The following GLIS1 variants were observed in gnomAD, a reference collection of about 807,000 sequenced individuals.
The protein encoded by GLIS1 is GLIS family zinc finger 1, also known as zinc finger protein GLIS1.
GLIS1 carries 24 observed loss-of-function variants against 63.8 expected under a neutral mutation model. The ratio of observed to expected loss-of-function variants is 0.38; its 90% CI spans 0.27 to 0.53. The LOEUF is 0.53. Among genes scored for constraint, GLIS1 ranks in the 20% least tolerant of loss-of-function variants. The probability of loss-of-function intolerance (pLI) is 0.85; values close to 1 mark genes in which losing one functional copy is unlikely to be tolerated. For missense variants in GLIS1, 1,036 were observed against 1,074.1 expected, an observed-to-expected ratio of 0.96 and a Z score of 0.50; for synonymous variants, 450 against 482.5, an observed-to-expected ratio of 0.93 and a Z score of 0.88.
intron 5 of GLIS1, among the ~76,000 whole-genome samples, chr1:53,528,968 G>A (rs1644500005): frequency 6.6e-6 from 1 of 152,158 alleles, no homozygotes; most frequent in South Asian, 2.1e-4. Context: ...GTAAGGCCCT[G>A]GTCTGAGTCA....
intron 2 of GLIS1, among the ~76,000 whole-genome samples, chr1:53,735,694 G>A (rs777868094): frequency 2.0e-5 from 3 of 152,134 alleles, no homozygotes; most frequent in Non-Finnish European, 4.4e-5. Flanking sequence ...ATTTCTGTCT[G>A]TTTCCAATAA....
In GLIS1 at chr1:53,620,258, A is replaced by G. The variant is rs568337915; in HGVS notation, c.260-19980T>C. On this transcript the variant is annotated intron_variant, in intron 2 of 10. Transcript: ENST00000628545. Reference sequence around the variant, plus strand: ...CATTAGTCCTCACTGGTTAGGGCTGACCTGTACTTCTGACGCCAGCTCAGT... The same window carrying G: ...CATTAGTCCTCACTGGTTAGGGCTGGCCTGTACTTCTGACGCCAGCTCAGT... 8.5e-5 allele frequency among the ~76,000 whole-genome samples: 13 copies of G among 152,294 alleles called. No individual in the cohort carries two copies. In the South Asian group the frequency reaches 2.7e-3, roughly 32 times the overall value.
intron 7 of GLIS1, among the ~76,000 whole-genome samples, chr1:53,517,914 C>T (rs1644368571): frequency 6.6e-6 from 1 of 152,226 alleles, no homozygotes; most frequent in Admixed American, 6.5e-5. Flanking sequence ...CAGCGAACAG[C>T]AGATGGGAAT....
intron 2 of GLIS1, chr1:53,734,341 A>G (rs950363746): frequency 8.8e-5 from 26 of 294,870 alleles, no homozygotes; most frequent in East Asian, 5.2e-4. Flanking sequence ...CTAGTTACCA[A>G]TTCCCAAAGA....
In GLIS1 at chr1:53,529,827, G is replaced by A. The variant is rs1454618108; in HGVS notation, c.1446C>T (p.Ser482=). Residue 482 remains serine (S), a synonymous_variant, in exon 5 of 11, where the codon AGC becomes AGT. Coordinates refer to ENST00000628545, the MANE Select transcript of GLIS1 (RefSeq NM_001367484.1). The part of the protein sequence containing the change: ...PGCQKAFSNS[S]DRAKHQRTHL... ...GGGTGCGCTGGTGCTTGGCGCGGTC[G>A]CTGGAGTTGCTGAAGGCCTTCTGGC... 7 of 1,613,326 alleles carry A rather than the reference G, an allele frequency of 4.3e-6. No individual in the cohort carries two copies. Among genetic ancestry groups the A allele is most frequent in the Admixed American group, 3.3e-5 (2 of 59,994 alleles).
intron 3 of GLIS1, among the ~76,000 whole-genome samples, chr1:53,597,405 A>G (rs973568845): frequency 6.7e-6 from 1 of 149,834 alleles, no homozygotes; most frequent in Non-Finnish European, 1.5e-5. Flanking sequence ...CCTGGGGTGT[A>G]GTGCACAGTA....
At chr1:53,595,109 A>G in intron 3 of GLIS1, 119 bp from the exon 4 acceptor site, 1 of 843,368 alleles carries the variant, frequency 1.2e-6, no homozygotes, top group Non-Finnish European at 1.7e-6. Context: ...GGCAGGAGGC[A>G]GAGGCTGAGG....
intron 3 of GLIS1, among the ~76,000 whole-genome samples, chr1:53,597,293 A>G (rs1206311957): frequency 3.4e-5 from 5 of 148,712 alleles, no homozygotes; most frequent in Admixed American, 2.7e-4. Context: ...GAATGGCGTG[A>G]ACCCGGGAGG....
intron 4 of GLIS1, among the ~76,000 whole-genome samples, chr1:53,551,106 C>A (rs1271641591): frequency 6.6e-6 from 1 of 152,140 alleles, no homozygotes; most frequent in Non-Finnish European, 1.5e-5. Context: ...CTTGGCCTCC[C>A]AAGGTGCTGG....
At chr1:53,516,413 G>A (rs905218030) in intron 7 of GLIS1, among the ~76,000 whole-genome samples, 4 of 152,256 alleles carry the variant, frequency 2.6e-5, no homozygotes, top group African/African-American at 9.6e-5. Context: ...GGCAAGCTCA[G>A]TGCCTCAGGC....
chr1:53,689,685 C>T (rs1646380721), intron 2 of GLIS1, among the ~76,000 whole-genome samples: 1 of 152,198 alleles, frequency 6.6e-6, no homozygotes, highest in East Asian at 1.9e-4. Flanking sequence ...GCTAGGCAAA[C>T]CGAGCCCCTC....
At chr1:53,709,952 A>T (rs1167866798) in intron 2 of GLIS1, among the ~76,000 whole-genome samples, 1 of 152,206 alleles carries the variant, frequency 6.6e-6, no homozygotes, top group Non-Finnish European at 1.5e-5. Context: ...ACAGATGTAC[A>T]GGATGGGAGG....
At position 53,524,878 on chromosome 1, in the gene GLIS1, C is replaced by A. The variant is rs749436299; in HGVS notation, c.1492G>T (p.Ala498Ser). Residue 498 changes from alanine to serine, a missense_variant, in exon 6 of 11, where the codon GCC (alanine) becomes TCC (serine). Physicochemically the swap from Ala to Ser is moderately conservative, Grantham distance 99. Transcript: ENST00000628545. ...TTGGAGCAGCCAGGGATCTGACAGG[C>A]GTACGGCTTCTGTAACATGGGGGGC... ...QRTHLDTKPY[A>S]CQIPGCSKRY... 2.2e-5 allele frequency: 36 copies of A among 1,607,674 alleles called. No homozygotes were observed. The highest frequency in any genetic ancestry group is 2.9e-5 in the Non-Finnish European group (34 of 1,175,442).
intron 2 of GLIS1, among the ~76,000 whole-genome samples, chr1:53,681,388 G>A (rs917581229): frequency 3.3e-5 from 5 of 152,216 alleles, no homozygotes; most frequent in Admixed American, 3.3e-4. Context: ...CTCTGCCACC[G>A]CCCCTCACTG....
intron 2 of GLIS1, among the ~76,000 whole-genome samples, chr1:53,617,960 G>A (rs1025847881): frequency 6.6e-6 from 1 of 152,216 alleles, no homozygotes; most frequent in African/African-American, 2.4e-5. Context: ...CAGTGACAGA[G>A]TCCTGAGCCC....
At chr1:53,512,920 G>C (rs1189794020) in intron 8 of GLIS1, among the ~76,000 whole-genome samples, 1 of 152,140 alleles carries the variant, frequency 6.6e-6, no homozygotes, top group Non-Finnish European at 1.5e-5. Flanking sequence ...CATCGTAGTA[G>C]AGCCTGTGCC....
chr1:53,528,625 G>A (rs1006686689), intron 5 of GLIS1, among the ~76,000 whole-genome samples: 2 of 152,068 alleles, frequency 1.3e-5, no homozygotes, highest in Non-Finnish European at 2.9e-5. Context: ...TCTGGATCTC[G>A]GTTTTCCCGG....
chr1:53,653,665 C>A (rs545942404), intron 2 of GLIS1, among the ~76,000 whole-genome samples: 1 of 152,182 alleles, frequency 6.6e-6, no homozygotes, highest in African/African-American at 2.4e-5. Context: ...CTTCTTCCTG[C>A]GGCACAGGTG....
rs752691868 is a variant in GLIS1, at chr1:53,529,901, G to A, written c.1372C>T (p.Leu458=). The A allele has an allele frequency of 6.2e-7, 1 of 1,613,786 alleles. No individual in the cohort carries two copies. Among genetic ancestry groups the A allele is most frequent in the African/African-American group, 1.3e-5 (1 of 74,920 alleles). The stretch of plus-strand genomic sequence containing the variant: ...GGCTTCTCGCCCGTGTGGCTCCTCA[G>A]GTGGATCTTGAGGTTCTCCAGCCGT... ...FSRLENLKIH[L]RSHTGEKPYL... is the part of the protein sequence containing the mutation. Residue 458 remains leucine, a synonymous_variant, in exon 5 of 11, where the codon CTG becomes TTG. Coordinates refer to ENST00000628545, the MANE Select transcript of GLIS1 (RefSeq NM_001367484.1).
Sources: gnomAD v4.1 joint callset for allele counts (sites outside exome capture counted in the v4.1 genomes callset) on GRCh38, gnomAD v4.1.1 for gene constraint, MANE v1.5 for transcripts, NCBI Gene and HGNC (gene_info 2026-07-23, HGNC 2026-07-21) for gene names.